NFASC: variants seen among roughly 807,000 people sequenced by gnomAD.
The protein encoded by NFASC is neurofascin.
Under a neutral mutation model 147.5 loss-of-function variants are expected in NFASC, and 43 were observed. That is an observed-to-expected ratio of 0.29 (90% CI 0.23 to 0.38). The LOEUF (loss-of-function observed/expected upper bound fraction) is 0.38. NFASC is among the 10% of genes least tolerant of loss of function. The pLI is 1.00. For synonymous variants in NFASC, 622 were observed against 665.5 expected, an observed-to-expected ratio of 0.93 and a Z score of 1.01; for missense variants, 1,320 against 1,689.0, an observed-to-expected ratio of 0.78 and a Z score of 3.83.
At chr1:204,936,805 C>G (rs967814758) in intron 2 of NFASC, among the ~76,000 whole-genome samples, 7 of 152,236 alleles carry the variant, frequency 4.6e-5, no homozygotes, top group African/African-American at 1.4e-4. Flanking sequence ...TCCTATCATG[C>G]TTAGAATGTG....
intron 1 of NFASC, among the ~76,000 whole-genome samples, chr1:204,844,918 C>T (rs1676502146): frequency 6.6e-6 from 1 of 152,078 alleles, no homozygotes; most frequent in Non-Finnish European, 1.5e-5. Context: ...ATACATCTTT[C>T]TGTAGCTGCA....
Position 204,957,823 on chromosome 1 carries a change from A to G in NFASC, c.703A>G (p.Thr235Ala), listed in dbSNP as rs1277736841. 1 of 1,614,088 alleles carries G rather than the reference A, an allele frequency of 6.2e-7. No homozygotes were observed. Residue 235 changes from threonine to alanine, a missense_variant, in exon 8 of 30, where the codon ACC (threonine) becomes GCC (alanine). Transcript: ENST00000339876. ...QKNPFTLKVL[T>A]TRGVAERTPS... ...GAACCCTTTCACCCTCAAGGTCCTC[A>G]CCAGTAAGTGAAGGCCCCTGTCCCG...
intron 8 of NFASC, among the ~76,000 whole-genome samples, chr1:204,958,791 T>C (rs1331077675): frequency 6.6e-6 from 1 of 151,984 alleles, no homozygotes; most frequent in Non-Finnish European, 1.5e-5. Context: ...TCAGAAAAAA[T>C]AGGCTGACCC....
intron 27 of NFASC, chr1:205,009,269 T>C (rs1411270689): frequency 5.9e-6 from 3 of 506,622 alleles, no homozygotes; most frequent in Admixed American, 2.7e-5. Context: ...ATGCCGTGCT[T>C]CATCCCTATG....
chr1:204,968,697 C>A lies in NFASC; in HGVS notation c.819-101C>A. The A allele has an allele frequency of 1.9e-6, 2 of 1,057,186 alleles. No homozygotes were observed. Among genetic ancestry groups the A allele is most frequent in the South Asian group, 1.6e-5 (1 of 61,402 alleles). 65.5% of individuals were successfully genotyped at this position (1,057,186 alleles called of 1,614,324 possible). ...TTTAGAGGACATGCATCCTCCTGGG[C>A]CCAAGTATACTTTTAGGCCACCTGG... On this transcript the variant is annotated intron_variant, in intron 9 of 29. Transcript: ENST00000339876. The surrounding 1 kb of genome is among the most constrained non-coding windows in gnomAD (Gnocchi z 5.4).
intron 1 of NFASC, among the ~76,000 whole-genome samples, chr1:204,920,427 C>CTTTTTTTTTTTTTTTTTTTTTTTT (rs11381518): frequency 5.9e-5 from 7 of 119,600 alleles, no homozygotes; most frequent in Non-Finnish European, 6.8e-5. Context: ...AGGATCTGTC[C>CTTTTTTTTTTTTTTTTTTTTTTTT]TTTTTTTTTT....
At chr1:204,995,315 AGTGTGTGTGTGTGTGT>A (rs60921990) in intron 24 of NFASC, among the ~76,000 whole-genome samples, 16 of 140,786 alleles carry the variant, frequency 1.1e-4, no homozygotes, top group Admixed American at 2.8e-4. Flanking sequence ...ATGTGTGCAC[AGTGTGTGTGTGTGTGT>A]GTGTGTGTGT....
At chr1:204,864,486 G>A (rs892444732) in intron 1 of NFASC, among the ~76,000 whole-genome samples, 4 of 152,202 alleles carry the variant, frequency 2.6e-5, no homozygotes, top group African/African-American at 9.6e-5. Context: ...CCATCCAGCA[G>A]TGTACAAGTG....
chr1:204,914,838 A>T (rs143130416), intron 1 of NFASC, among the ~76,000 whole-genome samples: 1 of 152,322 alleles, frequency 6.6e-6, no homozygotes, highest in East Asian at 1.9e-4. Context: ...CAGTCTTGCA[A>T]ATATAAGAAT....
At chr1:204,837,222 A>G (rs1331989439) in intron 1 of NFASC, among the ~76,000 whole-genome samples, 3 of 152,246 alleles carry the variant, frequency 2.0e-5, no homozygotes, top group Non-Finnish European at 2.9e-5. Flanking sequence ...ATCAGTGTAG[A>G]TTAAAGTCTT....
chr1:204,978,836 C>T, intron 17 of NFASC, 132 bp from the exon 18 acceptor site: 1 of 653,444 alleles, frequency 1.5e-6, no homozygotes. Flanking sequence ...TGTGCTCACC[C>T]CTCAGGGCAG....
In NFASC at chr1:204,997,369, T is replaced by C. The variant is rs1252768863; in HGVS notation, c.2982T>C (p.Pro994=). The C allele has an allele frequency of 2.6e-6, 4 of 1,553,964 alleles. No individual in the cohort carries two copies. The East Asian group carries it at 7.3e-5, about 28-fold the overall frequency. The change falls in exon 25 of 30, where the codon CCT becomes CCC. Residue 994 remains proline, a synonymous_variant. Transcript: ENST00000339876. ...TAAATTTTES[P]PTTTSGTKIH... Reference sequence around the variant, plus strand: ...CCGCCACCACCACCACGGAGAGTCCTCCCACCACCACCTCCGGGACTAAGA... The same window carrying C: ...CCGCCACCACCACCACGGAGAGTCCCCCCACCACCACCTCCGGGACTAAGA...
intron 1 of NFASC, among the ~76,000 whole-genome samples, chr1:204,913,615 A>C (rs2088299945): frequency 6.6e-6 from 1 of 152,220 alleles, no homozygotes; most frequent in South Asian, 2.1e-4. Context: ...TCTTATATAC[A>C]GTTAGATCCC....
At chr1:204,946,779 C>T in intron 3 of NFASC, 1 of 514,558 alleles carries the variant, frequency 1.9e-6, no homozygotes, top group Non-Finnish European at 3.9e-6. Flanking sequence ...CTTCCCGAGG[C>T]CCCCACCATC....
chr1:204,843,492 G>A (rs1675957195), intron 1 of NFASC, among the ~76,000 whole-genome samples: 1 of 152,046 alleles, frequency 6.6e-6, no homozygotes, highest in Non-Finnish European at 1.5e-5. Flanking sequence ...GTGTCACTCA[G>A]ATTGTTTTTG....
chr1:204,951,379 G>A (rs1286367949), intron 4 of NFASC, among the ~76,000 whole-genome samples: 1 of 146,982 alleles, frequency 6.8e-6, no homozygotes, highest in Non-Finnish European at 1.5e-5. Flanking sequence ...GGCCAGGCTG[G>A]TCTTGAACTC....
At chr1:204,951,729 A>G (rs1348944094) in intron 4 of NFASC, among the ~76,000 whole-genome samples, 1 of 151,902 alleles carries the variant, frequency 6.6e-6, no homozygotes, top group African/African-American at 2.4e-5. Context: ...TCTGCCTCCC[A>G]AAGTGCTAGG....
intron 1 of NFASC, among the ~76,000 whole-genome samples, chr1:204,834,002 G>A (rs1309074328): frequency 6.6e-6 from 1 of 152,194 alleles, no homozygotes; most frequent in Admixed American, 6.5e-5. Context: ...TGTACACAGA[G>A]GTGTTGGGAA....
At chr1:204,897,866 G>T (rs1169500907) in intron 1 of NFASC, among the ~76,000 whole-genome samples, 1 of 152,144 alleles carries the variant, frequency 6.6e-6, no homozygotes, top group Non-Finnish European at 1.5e-5. Context: ...CTCCCAAGTA[G>T]CTGGGATTAC....
Sources: gnomAD v4.1 joint callset for allele counts (sites outside exome capture counted in the v4.1 genomes callset) on GRCh38, gnomAD v4.1.1 for gene constraint, Gnocchi (gnomAD v3.1) non-coding constraint, MANE v1.5 for transcripts, NCBI Gene and HGNC (gene_info 2026-07-23, HGNC 2026-07-21) for gene names.